Variants in SLC6A15 observed in about 807,000 individuals in gnomAD.
SLC6A15 encodes the protein sodium-dependent neutral amino acid transporter B(0)AT2.
In SLC6A15, 33 loss-of-function variants were observed where a neutral mutation model predicts 68.5. The observed-to-expected ratio is 0.48, with a 90% CI of 0.37 to 0.64. The LOEUF (loss-of-function observed/expected upper bound fraction) is 0.64. Ranked by LOEUF, SLC6A15 falls within the 30% of genes least tolerant of loss-of-function variation. The pLI is 0.00. For missense variants in SLC6A15, 747 were observed against 874.3 expected (o/e 0.85, Z 1.84); for synonymous variants, 347 against 301.0 (o/e 1.15, Z -1.58).
chr12:84,890,209 A>G (rs1295304402), intron 2 of SLC6A15, among the ~76,000 whole-genome samples: 2 of 152,234 alleles, frequency 1.3e-5, no homozygotes, highest in Non-Finnish European at 2.9e-5. Context: ...ATAATACTAG[A>G]AAAGATATTT....
intron 6 of SLC6A15, among the ~76,000 whole-genome samples, chr12:84,875,683 T>C (rs1565723278): frequency 1.2e-4 from 1 of 8,612 alleles, no homozygotes; most frequent in Non-Finnish European, 3.3e-4. Flanking sequence ...TATATATATA[T>C]ATATATATAT....
intron 9 of SLC6A15, among the ~76,000 whole-genome samples, chr12:84,870,124 TA>T (rs1253669445): frequency 7.2e-5 from 11 of 152,006 alleles, no homozygotes; most frequent in African/African-American, 1.9e-4. Flanking sequence ...TGAACTGCTC[TA>T]ATTATGATTA....
At chr12:84,883,343 T>C in intron 5 of SLC6A15, 1 of 989,400 alleles carries the variant, frequency 1.0e-6, no homozygotes, top group Non-Finnish European at 1.2e-6. Context: ...CTGAATTCCT[T>C]GTTGGAATTA....
At chr12:84,886,975 C>T (rs1872138146) in intron 2 of SLC6A15, among the ~76,000 whole-genome samples, 1 of 152,138 alleles carries the variant, frequency 6.6e-6, no homozygotes, top group Non-Finnish European at 1.5e-5. Flanking sequence ...CAGGCTCTCA[C>T]TCTGTCACCC....
chr12:84,883,916 C>A lies in SLC6A15; in HGVS notation c.699G>T (p.Leu233Phe). The A allele has an allele frequency of 6.2e-7, 1 of 1,614,068 alleles. No individual in the cohort carries two copies. The highest frequency in any genetic ancestry group is 8.5e-7 in the Non-Finnish European group (1 of 1,179,988). The change falls in exon 5 of 12, where the codon TTG becomes TTT. Residue 233 changes from leucine (L) to phenylalanine (F), a missense_variant. By Grantham distance (22) the Leu-to-Phe change is conservative (BLOSUM62 0). Coordinates refer to ENST00000266682, the MANE Select transcript of SLC6A15 (RefSeq NM_182767.6). Reference protein sequence around the residue: ...GLNWKMTICLLAAWVMVCLAM... With the variant: ...GLNWKMTICLFAAWVMVCLAM... ...CCAAGCAAACCATGACCCAGGCAGC[C>A]AACAAGCAGATGGTCATCTTCCAGT...
chr12:84,878,074 T>C (rs1284410108), intron 5 of SLC6A15, among the ~76,000 whole-genome samples: 1 of 151,714 alleles, frequency 6.6e-6, no homozygotes, highest in Non-Finnish European at 1.5e-5. Context: ...ACAACATTAA[T>C]ATAAGGCAAC....
chr12:84,909,334 C>A (rs1388084677), intron 1 of SLC6A15, among the ~76,000 whole-genome samples: 1 of 152,182 alleles, frequency 6.6e-6, no homozygotes, highest in Admixed American at 6.5e-5. Context: ...CAAGGCTGAA[C>A]ACAACTTACA....
chr12:84,864,014 T>A (rs973802204), intron 10 of SLC6A15, among the ~76,000 whole-genome samples: 1 of 151,036 alleles, frequency 6.6e-6, no homozygotes, highest in Admixed American at 6.6e-5. Flanking sequence ...ATTATTACTA[T>A]GCTATTAATA....
rs1034377663 is a variant in SLC6A15, at chr12:84,859,634, T to C, written c.*1998A>G. ...GAAGAAGAATGGTGCTATTTGGCAATACATTATTGTGTTACGGTTAAAGTC... is the reference window on the plus strand; with the variant it reads ...GAAGAAGAATGGTGCTATTTGGCAACACATTATTGTGTTACGGTTAAAGTC... On this transcript the variant is annotated 3_prime_UTR_variant, in exon 12 of 12. Transcript: ENST00000266682. 2.0e-5 allele frequency: 3 copies of C among 152,104 alleles called. No homozygotes were observed. Among genetic ancestry groups the C allele is most frequent in the African/African-American group, 7.2e-5 (3 of 41,534 alleles). The allele number at this position is 152,104 out of a possible 1,614,324, so 9.4% of individuals were successfully genotyped here. A position where few individuals can be genotyped will look rare whatever the true frequency, so the allele number is the denominator to read the frequency against.
At chr12:84,893,591 C>T (rs1872518658) in intron 1 of SLC6A15, among the ~76,000 whole-genome samples, 1 of 152,010 alleles carries the variant, frequency 6.6e-6, no homozygotes, top group Non-Finnish European at 1.5e-5. Flanking sequence ...AAATGGTAGC[C>T]CAAGAATTCC....
At chr12:84,882,325 C>T (rs1333716210) in intron 5 of SLC6A15, 2 of 985,068 alleles carry the variant, frequency 2.0e-6, no homozygotes, top group African/African-American at 1.7e-5. Flanking sequence ...GGAAGACATA[C>T]ACAATTGAAC....
At chr12:84,862,875 C>T (rs148401062) in intron 11 of SLC6A15, among the ~76,000 whole-genome samples, 4 of 152,210 alleles carry the variant, frequency 2.6e-5, no homozygotes, top group African/African-American at 9.6e-5. Flanking sequence ...CTTTAACCTT[C>T]AACTCCTAGG....
chr12:84,866,204 T>C (rs1303049678), intron 10 of SLC6A15, among the ~76,000 whole-genome samples: 4 of 152,184 alleles, frequency 2.6e-5, no homozygotes, highest in African/African-American at 4.8e-5. Flanking sequence ...CTTGGTGATC[T>C]TACTACCTCT....
At chr12:84,862,260 A>G (rs1410349922) in intron 11 of SLC6A15, among the ~76,000 whole-genome samples, 1 of 152,264 alleles carries the variant, frequency 6.6e-6, no homozygotes, top group Non-Finnish European at 1.5e-5. Flanking sequence ...AAGACCACCT[A>G]AAGAGAGAGC....
intron 8 of SLC6A15, among the ~76,000 whole-genome samples, chr12:84,872,374 C>G (rs1871323481): frequency 6.6e-6 from 1 of 151,946 alleles, no homozygotes; most frequent in Non-Finnish European, 1.5e-5. Flanking sequence ...GTGGCTCAAT[C>G]AATGAAATAA....
chr12:84,886,365 T>C (rs759870215), intron 2 of SLC6A15, among the ~76,000 whole-genome samples: 2 of 152,084 alleles, frequency 1.3e-5, no homozygotes, highest in Non-Finnish European at 2.9e-5. Flanking sequence ...AAATAATTGA[T>C]TATTTAAAAT....
At chr12:84,900,888 G>A (rs1427874212) in intron 1 of SLC6A15, among the ~76,000 whole-genome samples, 3 of 129,996 alleles carry the variant, frequency 2.3e-5, no homozygotes, top group African/African-American at 1.0e-4. Context: ...GAAAGTGGGT[G>A]TATATATGTG....
chr12:84,889,094 A>G (rs1157707669), intron 2 of SLC6A15, among the ~76,000 whole-genome samples: 1 of 152,208 alleles, frequency 6.6e-6, no homozygotes, highest in Non-Finnish European at 1.5e-5. Context: ...ATCTGAACAG[A>G]CAGGACTTGC....
rs1193019224 is a variant in SLC6A15, at chr12:84,867,208, T to C, written c.1496-15A>G. On this transcript the variant is annotated splice_polypyrimidine_tract_variant and intron_variant, in intron 9 of 11. Transcript: ENST00000266682. ...ACAACAGATAACTAGACAAAAGAAA[T>C]AAATGAAAAAATGAGACTCTATTCA... The C allele has an allele frequency of 6.4e-7, 1 of 1,559,650 alleles. No individual in the cohort carries two copies. Among genetic ancestry groups the C allele is most frequent in the Non-Finnish European group, 8.6e-7 (1 of 1,157,570 alleles).
Sources: gnomAD v4.1 joint callset for allele counts (sites outside exome capture counted in the v4.1 genomes callset) on GRCh38, gnomAD v4.1.1 for gene constraint, MANE v1.5 for transcripts, NCBI Gene and HGNC (gene_info 2026-07-23, HGNC 2026-07-21) for gene names.